ZNF438: variants seen among roughly 807,000 people sequenced by gnomAD.
ZNF438 encodes zinc finger protein 438.
Under a neutral mutation model 38.0 loss-of-function variants are expected in ZNF438, and 25 were observed. That is an observed-to-expected ratio of 0.66 (90% CI 0.48 to 0.92). ZNF438 has a LOEUF of 0.92. ZNF438 is among the 40% of genes least tolerant of loss of function. The pLI is 0.00. For synonymous variants in ZNF438, 372 were observed against 364.1 expected, an observed-to-expected ratio of 1.02 and a Z score of -0.25; for missense variants, 1,007 against 999.6, an observed-to-expected ratio of 1.01 and a Z score of -0.10.
intron 1 of ZNF438, among the ~76,000 whole-genome samples, chr10:30,991,224 G>C (rs1291206899): frequency 6.6e-6 from 1 of 152,138 alleles, no homozygotes; most frequent in Non-Finnish European, 1.5e-5. Flanking sequence ...TCCCAAGCTG[G>C]GGCTGCATTT....
intron 2 of ZNF438, among the ~76,000 whole-genome samples, chr10:30,915,279 A>T (rs190716838): frequency 1.3e-3 from 201 of 152,212 alleles, no homozygotes; most frequent in Middle Eastern, 3.4e-3. Flanking sequence ...CATAATATTC[A>T]TGGTCATTCC....
chr10:31,024,443 G>A (rs563890837), intron 1 of ZNF438, among the ~76,000 whole-genome samples: 2 of 152,144 alleles, frequency 1.3e-5, no homozygotes, highest in East Asian at 3.9e-4. Flanking sequence ...TGGCTAACAC[G>A]GTGAAAACCC....
At chr10:30,875,596 A>G in intron 4 of ZNF438, 1 of 984,812 alleles carries the variant, frequency 1.0e-6, no homozygotes, top group Non-Finnish European at 1.2e-6. Flanking sequence ...CTTCCAGAGG[A>G]TATATACCAG....
intron 1 of ZNF438, among the ~76,000 whole-genome samples, chr10:30,976,915 G>A (rs2051426493): frequency 6.6e-6 from 1 of 151,998 alleles, no homozygotes; most frequent in African/African-American, 2.4e-5. Context: ...AAGCCTTTGA[G>A]AGATCAGACA....
chr10:30,850,310 C>T, exon 5 of ZNF438: 2 of 1,614,168 alleles, frequency 1.2e-6, no homozygotes, highest in Non-Finnish European at 1.7e-6. Context: ...CCTAAACTGA[C>T]TCTTATTCTG....
At chr10:31,004,489 G>C (rs1008174538) in intron 1 of ZNF438, among the ~76,000 whole-genome samples, 4 of 152,152 alleles carry the variant, frequency 2.6e-5, no homozygotes, top group African/African-American at 9.7e-5. Flanking sequence ...TCAACTGCAT[G>C]GAAAACTGCT....
intron 1 of ZNF438, among the ~76,000 whole-genome samples, chr10:30,985,565 A>G (rs2052677263): frequency 1.3e-5 from 2 of 152,252 alleles, no homozygotes; most frequent in African/African-American, 2.4e-5. Context: ...CATCTAATTC[A>G]TGAAACCAAA....
chr10:30,970,612 A>G (rs972194182), intron 1 of ZNF438, among the ~76,000 whole-genome samples: 1 of 152,196 alleles, frequency 6.6e-6, no homozygotes, highest in Non-Finnish European at 1.5e-5. Flanking sequence ...AAATCAGCAT[A>G]TACATAAGCA....
At chr10:30,928,801 C>T (rs2045273440) in intron 2 of ZNF438, among the ~76,000 whole-genome samples, 1 of 152,130 alleles carries the variant, frequency 6.6e-6, no homozygotes. Context: ...AGTTGGGGAA[C>T]ATTGCTGTCC....
chr10:30,911,587 T>C (rs2043082453), intron 2 of ZNF438, among the ~76,000 whole-genome samples: 1 of 152,042 alleles, frequency 6.6e-6, no homozygotes, highest in Non-Finnish European at 1.5e-5. Flanking sequence ...GTCCTACAAA[T>C]TCTCATCTCC....
intron 2 of ZNF438, among the ~76,000 whole-genome samples, chr10:30,929,197 G>A (rs2045325291): frequency 6.6e-6 from 1 of 152,222 alleles, no homozygotes; most frequent in South Asian, 2.1e-4. Flanking sequence ...TCAAGACTGT[G>A]TCTGAAATTG....
chr10:30,922,835 CAA>C (rs1216963223), intron 2 of ZNF438, among the ~76,000 whole-genome samples: 8 of 110,836 alleles, frequency 7.2e-5, no homozygotes, highest in Admixed American at 9.5e-5. Flanking sequence ...AACTTTGTCT[CAA>C]AAAAAAAAAA....
chr10:30,877,754 T>C (rs2038647189), intron 3 of ZNF438, among the ~76,000 whole-genome samples: 1 of 152,208 alleles, frequency 6.6e-6, no homozygotes. Context: ...ATAAAATATC[T>C]GAATAAGACA....
At chr10:30,926,419 G>C (rs1247035897) in intron 2 of ZNF438, among the ~76,000 whole-genome samples, 1 of 152,172 alleles carries the variant, frequency 6.6e-6, no homozygotes, top group East Asian at 1.9e-4. Flanking sequence ...TGTAATCCCA[G>C]CACTTTGGGA....
chr10:30,923,648 T>C (rs965489207), intron 2 of ZNF438, among the ~76,000 whole-genome samples: 1 of 152,204 alleles, frequency 6.6e-6, no homozygotes, highest in African/African-American at 2.4e-5. Flanking sequence ...GATCTGTTTG[T>C]AAATTTTCTA....
At chr10:30,974,186 T>C (rs564900516) in intron 1 of ZNF438, among the ~76,000 whole-genome samples, 32 of 152,312 alleles carry the variant, frequency 2.1e-4, no homozygotes, top group Admixed American at 7.8e-4. Context: ...AAAATGGTGA[T>C]TTAACATTCC....
At chr10:30,878,299 C>T (rs1465729994) in intron 3 of ZNF438, among the ~76,000 whole-genome samples, 1 of 152,096 alleles carries the variant, frequency 6.6e-6, no homozygotes, top group East Asian at 1.9e-4. Flanking sequence ...TGGACTCAGT[C>T]AGTAGAGGAG....
chr10:30,951,462 C>T (rs1373123184), intron 1 of ZNF438, among the ~76,000 whole-genome samples: 30 of 152,064 alleles, frequency 2.0e-4, no homozygotes, highest in African/African-American at 6.5e-4. Context: ...TCAAATTGTA[C>T]CTGTTTGCAG....
rs191141900 is a variant in ZNF438 at position 31,018,433 on chromosome 10, G to A, written c.-192+13400C>T. Among the ~76,000 whole-genome samples, 16 of 152,236 alleles carry A rather than the reference G, an allele frequency of 1.1e-4. No homozygotes were observed. The East Asian group carries it at 2.9e-3, about 28-fold the overall frequency. ...ACTACTTCCCTGGAGGTACAAACTG[G>A]GTAGACAAATTAACTCTCTTCCAAG... On this transcript the variant is annotated intron_variant, in intron 1 of 5. Coordinates refer to ENST00000413025, the Ensembl canonical transcript of ZNF438.
Sources: allele counts gnomAD v4.1 joint callset (sites outside exome capture counted in the v4.1 genomes callset), GRCh38; gene constraint gnomAD v4.1.1; transcripts MANE v1.5; gene names NCBI Gene and HGNC (gene_info 2026-07-23, HGNC 2026-07-21).